The following LMNTD1 variants were observed in gnomAD, a reference collection of about 807,000 sequenced individuals.
LMNTD1 encodes the protein lamin tail domain-containing protein 1.
In LMNTD1, 35 loss-of-function variants were observed where a neutral mutation model predicts 50.9. The ratio of observed to expected loss-of-function variants is 0.69; its 90% CI spans 0.53 to 0.91. LMNTD1 has a LOEUF of 0.91. Ranked by LOEUF, LMNTD1 falls within the 40% of genes least tolerant of loss-of-function variation. LMNTD1 has a pLI of 0.00. For synonymous variants in LMNTD1, 153 were observed against 161.9 expected (o/e 0.94, Z 0.42); for missense variants, 470 against 475.5 (o/e 0.99, Z 0.11).
Position 25,640,210 on chromosome 12 carries a change from T to C in LMNTD1, c.58+8284A>G, listed in dbSNP as rs545571693. On this transcript the variant is annotated intron_variant, in intron 1 of 7. Coordinates refer to the LMNTD1 transcript ENST00000445693. ...AGTTTCTTTTAGAGGTGATAGAAAATAGAATAGGTAATTAAGATTGGGTGC... is the reference window on the plus strand; with the variant it reads ...AGTTTCTTTTAGAGGTGATAGAAAACAGAATAGGTAATTAAGATTGGGTGC... 9.2e-5 allele frequency among the ~76,000 whole-genome samples: 14 copies of C among 151,948 alleles called. 1 individual carries two copies. Among genetic ancestry groups the C allele is most frequent in the African/African-American group, 3.4e-4 (14 of 41,426 alleles).
intron 8 of LMNTD1, among the ~76,000 whole-genome samples, chr12:25,510,457 C>A (rs916070018): frequency 2.0e-5 from 3 of 151,838 alleles, no homozygotes; most frequent in African/African-American, 7.3e-5. Flanking sequence ...TATTATTATT[C>A]TTAATTCTAT....
chr12:25,523,072 C>T (rs377457131), intron 6 of LMNTD1, among the ~76,000 whole-genome samples: 151 of 152,116 alleles, frequency 9.9e-4, no homozygotes, highest in African/African-American at 3.5e-3. Flanking sequence ...TCTTACTCTT[C>T]GCCCAGGCTG....
intron 1 of LMNTD1, among the ~76,000 whole-genome samples, chr12:25,616,934 A>T (rs1016260064): frequency 3.3e-5 from 5 of 152,188 alleles, no homozygotes; most frequent in African/African-American, 1.2e-4. Flanking sequence ...TTACATAAAC[A>T]TGGGATTATC....
chr12:25,526,787 C>CT lies in LMNTD1; in HGVS notation c.659dup (p.Ala221GlyfsTer13). The CT allele has an allele frequency of 6.2e-7, 1 of 1,608,372 alleles. No individual in the cohort carries two copies. The highest frequency in any genetic ancestry group is 1.3e-5 in the African/African-American group (1 of 74,862). ...TACTCACTGTTACTGTGGAATTTGC[C>CT]TGCATTACGATGTTTGGAAGGAATC... On this transcript the variant is annotated frameshift_variant, in exon 5 of 10. Transcript: ENST00000458174. LOFTEE classifies it high-confidence loss of function.
chr12:25,587,212 G>T (rs1345683152), intron 1 of LMNTD1, among the ~76,000 whole-genome samples: 1 of 152,096 alleles, frequency 6.6e-6, no homozygotes, highest in Non-Finnish European at 1.5e-5. Flanking sequence ...ACTCTATGTT[G>T]TCTGTACCTA....
chr12:25,643,142 G>C lies in LMNTD1; in HGVS notation c.58+5352C>G, dbSNP rs543887268. Among the ~76,000 whole-genome samples the C allele has an allele frequency of 2.6e-5, 4 of 152,294 alleles. No individual in the cohort carries two copies. In the South Asian group the frequency reaches 8.3e-4, roughly 32 times the overall value. On this transcript the variant is annotated intron_variant, in intron 1 of 7. Transcript: ENST00000445693. ...AAAAACATATAACATGGTAATTTTA[G>C]ATTGTAATAAGAGTCATACAGCAAG... is the stretch of plus-strand genomic sequence containing the variant.
intron 9 of LMNTD1, among the ~76,000 whole-genome samples, chr12:25,484,828 GT>G (rs1398149483): frequency 7.0e-6 from 1 of 143,292 alleles, no homozygotes; most frequent in Non-Finnish European, 1.5e-5. Context: ...TACAAAGGAT[GT>G]GAACTCATCA....
chr12:25,569,220 A>G (rs986792277), intron 1 of LMNTD1, among the ~76,000 whole-genome samples: 2 of 151,844 alleles, frequency 1.3e-5, no homozygotes, highest in African/African-American at 4.8e-5. Context: ...GATGGAGGAC[A>G]TGGAGTCAAA....
At chr12:25,594,867 C>G (rs1233251117) in intron 1 of LMNTD1, among the ~76,000 whole-genome samples, 2 of 151,928 alleles carry the variant, frequency 1.3e-5, no homozygotes, top group Non-Finnish European at 2.9e-5. Flanking sequence ...CACATAAACT[C>G]AAGGTAAAAA....
intron 1 of LMNTD1, among the ~76,000 whole-genome samples, chr12:25,634,780 C>T (rs1230163665): frequency 6.6e-6 from 1 of 152,102 alleles, no homozygotes. Flanking sequence ...CACTCCTCTT[C>T]AACATAGTAC....
Position 25,481,865 on chromosome 12 carries a change from T to A in LMNTD1, c.*23-5405A>T, listed in dbSNP as rs1019921468. Among the ~76,000 whole-genome samples, 104 of 132,706 alleles carry A rather than the reference T, an allele frequency of 7.8e-4. 1 individual carries two copies. Among genetic ancestry groups the A allele is most frequent in the Non-Finnish European group, 1.3e-3 (84 of 63,414 alleles). 87.1% of individuals were successfully genotyped at this position (132,706 alleles called of 152,430 possible). ...CAACATATAGTAATATATTGCCTCTTCACACACACACACACACACACACAC... is the reference window on the plus strand; with the variant it reads ...CAACATATAGTAATATATTGCCTCTACACACACACACACACACACACACAC... On this transcript the variant is annotated intron_variant, in intron 9 of 9. Transcript: ENST00000458174.
intron 6 of LMNTD1, among the ~76,000 whole-genome samples, chr12:25,523,876 G>T (rs1358428591): frequency 6.6e-6 from 1 of 151,528 alleles, no homozygotes; most frequent in South Asian, 2.1e-4. Flanking sequence ...GATTTAATAG[G>T]TAAAAAGGGA....
At chr12:25,606,785 A>G (rs1446753207) in intron 1 of LMNTD1, among the ~76,000 whole-genome samples, 1 of 151,998 alleles carries the variant, frequency 6.6e-6, no homozygotes, top group Non-Finnish European at 1.5e-5. Context: ...GTATTGGTCT[A>G]AAATTCTCTT....
At chr12:25,623,891 G>T (rs145298910) in intron 1 of LMNTD1, among the ~76,000 whole-genome samples, 5 of 152,212 alleles carry the variant, frequency 3.3e-5, no homozygotes, top group Admixed American at 1.3e-4. Flanking sequence ...GGATCTGACT[G>T]CCATGGCCTG....
rs763636467 is a variant in LMNTD1, at chr12:25,526,758, C to G, written c.678+11G>C. The G allele has an allele frequency of 1.4e-5, 22 of 1,572,314 alleles. No individual in the cohort carries two copies. The highest frequency in any genetic ancestry group is 1.7e-5 in the Non-Finnish European group (19 of 1,149,854). On this transcript the variant is annotated intron_variant, in intron 5 of 9. Coordinates refer to ENST00000458174, the MANE Select transcript of LMNTD1 (RefSeq NM_001145728.2). ...AATTCTAATGTACAGTATTTATACT[C>G]TTATACTCACTGTTACTGTGGAATT...
At chr12:25,612,413 C>T (rs920975479) in intron 1 of LMNTD1, among the ~76,000 whole-genome samples, 3 of 151,968 alleles carry the variant, frequency 2.0e-5, no homozygotes. Context: ...AGGCTTTGGA[C>T]CATCTCTGTC....
intron 1 of LMNTD1, among the ~76,000 whole-genome samples, chr12:25,590,688 G>A (rs1270978033): frequency 7.2e-5 from 11 of 152,186 alleles, no homozygotes. Context: ...GGAGGACTTT[G>A]TCTGGCATCT....
intron 1 of LMNTD1, among the ~76,000 whole-genome samples, chr12:25,573,340 A>T (rs1277010662): frequency 6.6e-6 from 1 of 152,110 alleles, no homozygotes; most frequent in African/African-American, 2.4e-5. Flanking sequence ...TCTAATTATT[A>T]GGTACCTCAC....
At chr12:25,600,882 C>T (rs1945952479) in intron 1 of LMNTD1, among the ~76,000 whole-genome samples, 1 of 152,022 alleles carries the variant, frequency 6.6e-6, no homozygotes, top group African/African-American at 2.4e-5. Context: ...CTATGGACAA[C>T]AGTTTGGAGA....
Sources: allele counts gnomAD v4.1 joint callset (sites outside exome capture counted in the v4.1 genomes callset), GRCh38; gene constraint gnomAD v4.1.1; transcripts MANE v1.5; gene names NCBI Gene and HGNC (gene_info 2026-07-23, HGNC 2026-07-21).